COL14A1: variants seen among roughly 807,000 people sequenced by gnomAD.
COL14A1 encodes collagen type XIV alpha 1 chain.
In COL14A1, 136 loss-of-function variants were observed where a neutral mutation model predicts 230.3. The ratio of observed to expected loss-of-function variants is 0.59; its 90% confidence interval spans 0.51 to 0.68. The LOEUF is 0.68. COL14A1 is among the 30% of genes least tolerant of loss of function. The pLI is 0.00. For missense variants in COL14A1, 1,976 were observed against 2,215.8 expected (o/e 0.89, Z 2.17); for synonymous variants, 792 against 784.1 (o/e 1.01, Z -0.17).
At chr8:120,131,993 T>A (rs1380958447) in intron 1 of COL14A1, among the ~76,000 whole-genome samples, 1 of 151,830 alleles carries the variant, frequency 6.6e-6, no homozygotes, top group Admixed American at 6.6e-5. Flanking sequence ...ATTACAGGCA[T>A]ATGCCCCACC....
intron 4 of COL14A1, 111 bp downstream of exon 4, chr8:120,162,680 G>C (rs972851049): frequency 5.2e-6 from 5 of 962,992 alleles, no homozygotes; most frequent in Non-Finnish European, 1.4e-6. Flanking sequence ...CAGATTTATA[G>C]AGATCCTAGA....
chr8:120,347,191 A>C (rs1211273522), intron 45 of COL14A1, among the ~76,000 whole-genome samples: 4 of 152,176 alleles, frequency 2.6e-5, no homozygotes, highest in African/African-American at 9.7e-5. Flanking sequence ...CCTGCTCTGC[A>C]AGTACACTTG....
chr8:120,315,501 G>T (rs1586856709), intron 38 of COL14A1, 32 bp from the exon 39 acceptor site: 1 of 1,579,728 alleles, frequency 6.3e-7, no homozygotes, highest in Middle Eastern at 1.7e-4. Context: ...TTACCTATGT[G>T]AACTTAACTC....
At chr8:120,247,363 CA>C (rs1818797365) in intron 20 of COL14A1, among the ~76,000 whole-genome samples, 1 of 151,764 alleles carries the variant, frequency 6.6e-6, no homozygotes, top group Non-Finnish European at 1.5e-5. Flanking sequence ...GTGGAGGTTG[CA>C]GTGAGCGGAG....
intron 15 of COL14A1, 104 bp downstream of exon 15, chr8:120,225,318 A>C (rs1034634556): frequency 1.0e-6 from 1 of 976,534 alleles, no homozygotes. Context: ...AAGAGATTAA[A>C]TTTTAATTTT....
intron 34 of COL14A1, among the ~76,000 whole-genome samples, chr8:120,291,307 A>G (rs1352973270): frequency 6.6e-6 from 1 of 152,080 alleles, no homozygotes; most frequent in Non-Finnish European, 1.5e-5. Flanking sequence ...CACGCCTGTA[A>G]TTTCAGCACT....
At chr8:120,326,152 G>C (rs16892907) in intron 40 of COL14A1, among the ~76,000 whole-genome samples, 3,575 of 152,318 alleles carry the variant, frequency 0.023, 66 homozygotes, top group Middle Eastern at 0.041. Flanking sequence ...TGCCCAGTGA[G>C]AGCTGTAACA....
intron 1 of COL14A1, among the ~76,000 whole-genome samples, chr8:120,128,535 G>A (rs1408156761): frequency 6.6e-6 from 1 of 152,134 alleles, no homozygotes; most frequent in Non-Finnish European, 1.5e-5. Context: ...AAGAGTTCAA[G>A]GCCAGCATGG....
intron 46 of COL14A1, among the ~76,000 whole-genome samples, chr8:120,368,857 G>A (rs547464322): frequency 1.3e-5 from 2 of 152,168 alleles, no homozygotes; most frequent in African/African-American, 4.8e-5. Flanking sequence ...CTGTTGATGA[G>A]GTTGAGCTTT....
intron 14 of COL14A1, among the ~76,000 whole-genome samples, chr8:120,224,061 C>T (rs939835457): frequency 5.7e-5 from 6 of 105,440 alleles, no homozygotes; most frequent in Non-Finnish European, 8.8e-5. Context: ...GAGTCTCATT[C>T]TGTCACCCAG....
chr8:120,304,437 G>T (rs1014257974), intron 36 of COL14A1, among the ~76,000 whole-genome samples: 5 of 152,130 alleles, frequency 3.3e-5, no homozygotes, highest in Non-Finnish European at 7.4e-5. Flanking sequence ...ATTCTGGTAT[G>T]TTGTACCTTT....
At chr8:120,254,043 A>G (rs1240235505) in intron 22 of COL14A1, among the ~76,000 whole-genome samples, 4 of 152,264 alleles carry the variant, frequency 2.6e-5, no homozygotes, top group African/African-American at 9.6e-5. Flanking sequence ...TTGCTGTAAC[A>G]GAAAGGAACA....
intron 31 of COL14A1, 110 bp from the exon 32 acceptor site, chr8:120,283,526 T>G: frequency 8.5e-7 from 1 of 1,178,472 alleles, no homozygotes; most frequent in African/African-American, 1.5e-5. Flanking sequence ...AATGGTGGTC[T>G]TTTCTGTTTT....
intron 1 of COL14A1, among the ~76,000 whole-genome samples, chr8:120,147,211 TCC>T (rs1269362570): frequency 6.6e-6 from 1 of 152,086 alleles, no homozygotes; most frequent in Non-Finnish European, 1.5e-5. Flanking sequence ...TTCATTGATA[TCC>T]CATTGAAAAT....
Position 120,227,285 on chromosome 8 carries a change from A to G in COL14A1, c.2070A>G (p.Glu690=). 1.2e-6 allele frequency: 2 copies of G among 1,614,054 alleles called. No homozygotes were observed. The highest frequency in any genetic ancestry group is 1.7e-6 in the Non-Finnish European group (2 of 1,180,008). ...GCCTGGAGCCCGGTACGGAGTATGA[A>G]GTTTCACTATTGGCCGTACTTGATG... The part of the protein sequence containing the change: ...IEGLEPGTEY[E]VSLLAVLDDG... Residue 690 remains glutamate, a synonymous_variant, in exon 17 of 48, where the codon GAA becomes GAG. Coordinates refer to ENST00000297848, the MANE Select transcript of COL14A1 (RefSeq NM_021110.4).
intron 25 of COL14A1, among the ~76,000 whole-genome samples, chr8:120,267,340 T>C (rs191982529): frequency 6.6e-6 from 1 of 151,962 alleles, no homozygotes; most frequent in African/African-American, 2.4e-5. Context: ...TGATCATTAT[T>C]TTTTTATTTC....
In COL14A1 at chr8:120,319,363, G is replaced by T. The variant is rs182124977; in HGVS notation, c.4659+3366G>T. ...TTATTTATTTATTTTTGGTAGATAT[G>T]GGGGTCTTGCTGTGTTGCCCAGGGT... On this transcript the variant is annotated intron_variant, in intron 40 of 47. Coordinates refer to ENST00000297848, the MANE Select transcript of COL14A1 (RefSeq NM_021110.4). Among the ~76,000 whole-genome samples the T allele has an allele frequency of 3.9e-3, 592 of 151,870 alleles. 3 individuals are homozygous for T. Among genetic ancestry groups the T allele is most frequent in the Middle Eastern group, 0.014 (4 of 294 alleles).
chr8:120,308,291 G>A (rs1271309325), intron 36 of COL14A1, among the ~76,000 whole-genome samples: 1 of 152,170 alleles, frequency 6.6e-6, no homozygotes, highest in Non-Finnish European at 1.5e-5. Context: ...CTGAAGCATT[G>A]TTTAAATGGC....
chr8:120,341,118 A>G (rs956980936), intron 42 of COL14A1, among the ~76,000 whole-genome samples: 3 of 152,230 alleles, frequency 2.0e-5, no homozygotes, highest in Admixed American at 6.5e-5. Flanking sequence ...TGCATAAAAA[A>G]GCTGAAAGGG....
Sources: allele counts gnomAD v4.1 joint callset (sites outside exome capture counted in the v4.1 genomes callset), GRCh38; gene constraint gnomAD v4.1.1; transcripts MANE v1.5; gene names NCBI Gene and HGNC (gene_info 2026-07-23, HGNC 2026-07-21).